The following NSMCE2 variants were observed in gnomAD, a reference collection of about 807,000 sequenced individuals.
NSMCE2 encodes the protein NSE2 SUMO ligase component of SMC5/6 complex.
Under a neutral mutation model 23.8 loss-of-function variants are expected in NSMCE2, and 24 were observed. The observed-to-expected ratio is 1.01, with a 90% CI of 0.73 to 1.42. The LOEUF is 1.42. NSMCE2 is among the 40% of genes most tolerant of loss of function. The pLI, the probability that NSMCE2 is intolerant of heterozygous loss-of-function variation, is 0.00. For missense variants in NSMCE2, 284 were observed against 296.5 expected, an observed-to-expected ratio of 0.96 and a Z score of 0.31; for synonymous variants, 92 against 94.1, an observed-to-expected ratio of 0.98 and a Z score of 0.13.
At chr8:125,198,207 A>G (rs554799575) in intron 5 of NSMCE2, among the ~76,000 whole-genome samples, 153 of 152,306 alleles carry the variant, frequency 1.0e-3, no homozygotes, top group Admixed American at 1.8e-3. Context: ...TGCCCTGGCC[A>G]GAACTTCCAA....
intron 5 of NSMCE2, among the ~76,000 whole-genome samples, chr8:125,301,449 C>T (rs1009975566): frequency 3.3e-5 from 5 of 152,066 alleles, no homozygotes; most frequent in Admixed American, 1.3e-4. Flanking sequence ...TAATAATAAT[C>T]GTACCTCACT....
intron 5 of NSMCE2, among the ~76,000 whole-genome samples, chr8:125,288,289 G>T (rs1363847005): frequency 5.3e-5 from 8 of 152,154 alleles, no homozygotes; most frequent in Non-Finnish European, 1.0e-4. Flanking sequence ...CTGCTGGGAC[G>T]TAACAGGAGG....
chr8:125,256,367 A>G (rs1382056198), intron 5 of NSMCE2, among the ~76,000 whole-genome samples: 1 of 152,080 alleles, frequency 6.6e-6, no homozygotes, highest in Non-Finnish European at 1.5e-5. Context: ...GGTGAAAGCT[A>G]GATGCCAGTG....
chr8:125,171,429 G>A (rs1030961520), intron 4 of NSMCE2, among the ~76,000 whole-genome samples: 1 of 152,156 alleles, frequency 6.6e-6, no homozygotes, highest in African/African-American at 2.4e-5. Flanking sequence ...CCAATACTGA[G>A]CTCTTCAACC....
At chr8:125,126,730 A>C (rs566285361) in intron 3 of NSMCE2, among the ~76,000 whole-genome samples, 18 of 152,286 alleles carry the variant, frequency 1.2e-4, no homozygotes, top group African/African-American at 4.3e-4. Context: ...AATTATTAGC[A>C]TTGTGTAAGT....
At chr8:125,102,861 A>G (rs753070897) in intron 3 of NSMCE2, among the ~76,000 whole-genome samples, 10 of 152,200 alleles carry the variant, frequency 6.6e-5, no homozygotes, top group Non-Finnish European at 1.2e-4. Flanking sequence ...TAACCAGTAG[A>G]TAGACTAAGC....
At chr8:125,220,639 AT>A (rs907278936) in intron 5 of NSMCE2, among the ~76,000 whole-genome samples, 1 of 149,620 alleles carries the variant, frequency 6.7e-6, no homozygotes, top group South Asian at 2.1e-4. Context: ...TAACATCATT[AT>A]TTAAAAAAAA....
chr8:125,113,551 G>A (rs1338572928), intron 3 of NSMCE2, among the ~76,000 whole-genome samples: 16 of 152,114 alleles, frequency 1.1e-4, no homozygotes, highest in Admixed American at 9.2e-4. Flanking sequence ...ACATTTCTGG[G>A]GGAGGAGATT....
intron 5 of NSMCE2, among the ~76,000 whole-genome samples, chr8:125,250,824 AG>A (rs1431462344): frequency 1.3e-5 from 2 of 152,026 alleles, no homozygotes; most frequent in African/African-American, 4.8e-5. Context: ...CCCATTTCTT[AG>A]TTTTTATGTT....
intron 5 of NSMCE2, among the ~76,000 whole-genome samples, chr8:125,327,285 AAG>A (rs1390878137): frequency 1.4e-5 from 2 of 142,594 alleles, no homozygotes; most frequent in South Asian, 4.4e-4. Context: ...AAAAAAAAAA[AAG>A]AGAGAGAAAC....
chr8:125,335,701 G>T (rs964646650), intron 5 of NSMCE2, among the ~76,000 whole-genome samples: 4 of 152,194 alleles, frequency 2.6e-5, no homozygotes, highest in Non-Finnish European at 1.5e-5. Context: ...TTCCTTATTT[G>T]ACAGATCATT....
chr8:125,360,774 G>A lies in NSMCE2; in HGVS notation c.626+2956G>A, dbSNP rs539148811. The stretch of plus-strand genomic sequence containing the variant: ...TAGAGTGATGAGTATTTCTGGGTTC[G>A]CTTTGTTTAGAAATGTCCATGACAC... On this transcript the variant is annotated intron_variant, in intron 7 of 7. Transcript: ENST00000287437. Among the ~76,000 whole-genome samples, 10 of 152,244 alleles carry A rather than the reference G, an allele frequency of 6.6e-5. No individual in the cohort carries two copies. The South Asian group carries it at 8.3e-4, about 13-fold the overall frequency.
intron 5 of NSMCE2, among the ~76,000 whole-genome samples, chr8:125,317,521 T>C (rs1829259839): frequency 1.3e-5 from 2 of 152,054 alleles, no homozygotes; most frequent in Non-Finnish European, 2.9e-5. Context: ...AATATATACT[T>C]CCTCCCTCCT....
chr8:125,162,291 G>C (rs1821668338), intron 4 of NSMCE2, among the ~76,000 whole-genome samples: 1 of 152,140 alleles, frequency 6.6e-6, no homozygotes, highest in Non-Finnish European at 1.5e-5. Flanking sequence ...TCTCTTGGAA[G>C]AAATTCTTGT....
intron 5 of NSMCE2, among the ~76,000 whole-genome samples, chr8:125,237,247 ATAATCT>A (rs1457462128): frequency 2.0e-5 from 3 of 152,362 alleles, no homozygotes; most frequent in East Asian, 3.9e-4. Context: ...GAGAGGCAAC[ATAATCT>A]TAAGAGACAT....
At chr8:125,339,657 C>T (rs1402724907) in intron 5 of NSMCE2, among the ~76,000 whole-genome samples, 2 of 152,072 alleles carry the variant, frequency 1.3e-5, no homozygotes, top group Non-Finnish European at 2.9e-5. Context: ...GAGTGGCAGC[C>T]GTGCTTTCTC....
intron 5 of NSMCE2, among the ~76,000 whole-genome samples, chr8:125,341,936 A>T (rs1830268751): frequency 6.8e-6 from 1 of 147,294 alleles, no homozygotes; most frequent in Non-Finnish European, 1.5e-5. Flanking sequence ...GTCTCTGCCC[A>T]TGGAGCTTAC....
At chr8:125,168,668 T>C (rs1446379113) in intron 4 of NSMCE2, among the ~76,000 whole-genome samples, 1 of 152,222 alleles carries the variant, frequency 6.6e-6, no homozygotes, top group East Asian at 1.9e-4. Context: ...GGCTTTGCCC[T>C]CGTGCTCTAA....
At chr8:125,284,519 A>G (rs1827820452) in intron 5 of NSMCE2, among the ~76,000 whole-genome samples, 1 of 152,178 alleles carries the variant, frequency 6.6e-6, no homozygotes, top group Non-Finnish European at 1.5e-5. Flanking sequence ...CCCTACCCTA[A>G]GATACTTAGA....
Sources: gnomAD v4.1 joint callset for allele counts (sites outside exome capture counted in the v4.1 genomes callset) on GRCh38, gnomAD v4.1.1 for gene constraint, MANE v1.5 for transcripts, NCBI Gene and HGNC (gene_info 2026-07-23, HGNC 2026-07-21) for gene names.